The following PIP5K1B variants were observed in gnomAD, a reference collection of about 807,000 sequenced individuals.
The protein encoded by PIP5K1B is phosphatidylinositol-4-phosphate 5-kinase type 1 beta.
In PIP5K1B, 42 loss-of-function variants were observed where a neutral mutation model predicts 67.0. The ratio of observed to expected loss-of-function variants is 0.63; its 90% confidence interval spans 0.49 to 0.81. The LOEUF (loss-of-function observed/expected upper bound fraction) is 0.81, where lower values mean the gene tolerates loss of function less well. PIP5K1B is among the 30% of genes least tolerant of loss of function. PIP5K1B has a pLI of 0.00. For synonymous variants in PIP5K1B, 214 were observed against 231.4 expected (o/e 0.92, Z 0.68); for missense variants, 459 against 646.3 (o/e 0.71, Z 3.14).
At chr9:68,996,125 A>G (rs1485702138) in intron 15 of PIP5K1B, among the ~76,000 whole-genome samples, 3 of 152,238 alleles carry the variant, frequency 2.0e-5, no homozygotes, top group East Asian at 1.9e-4. Context: ...GTAAAAATAC[A>G]TAAGTTTAAA....
intron 2 of PIP5K1B, chr9:68,779,988 A>C: frequency 1.3e-6 from 1 of 796,972 alleles, no homozygotes; most frequent in Non-Finnish European, 1.8e-6. Context: ...TTACGCATTA[A>C]GCAGGCGCCG....
intron 14 of PIP5K1B, among the ~76,000 whole-genome samples, chr9:68,956,513 TG>T (rs1247579255): frequency 6.6e-6 from 1 of 152,176 alleles, no homozygotes; most frequent in Admixed American, 6.5e-5. Flanking sequence ...TCTCATGAAA[TG>T]TGCCTGTAGT....
intron 8 of PIP5K1B, among the ~76,000 whole-genome samples, chr9:68,901,909 TC>T (rs1825378414): frequency 6.6e-6 from 1 of 152,232 alleles, no homozygotes; most frequent in Non-Finnish European, 1.5e-5. Context: ...TGTAAATTTT[TC>T]TACCTGTAAA....
chr9:68,959,276 T>C (rs1364539213), intron 14 of PIP5K1B, among the ~76,000 whole-genome samples: 1 of 152,220 alleles, frequency 6.6e-6, no homozygotes, highest in African/African-American at 2.4e-5. Flanking sequence ...ATGTGTGTCA[T>C]TCATTATATG....
chr9:69,002,062 C>G (rs1381702842), intron 15 of PIP5K1B, among the ~76,000 whole-genome samples: 1 of 152,218 alleles, frequency 6.6e-6, no homozygotes, highest in Non-Finnish European at 1.5e-5. Flanking sequence ...GGCTCATCTA[C>G]CTGCTGCTTA....
intron 2 of PIP5K1B, among the ~76,000 whole-genome samples, chr9:68,746,746 A>C (rs1163842174): frequency 6.6e-5 from 10 of 152,084 alleles, no homozygotes; most frequent in Non-Finnish European, 1.5e-4. Flanking sequence ...GGCCTGGCTT[A>C]CCACTTCCAG....
At chr9:68,770,619 G>A (rs187387090) in intron 2 of PIP5K1B, among the ~76,000 whole-genome samples, 4 of 152,184 alleles carry the variant, frequency 2.6e-5, no homozygotes, top group African/African-American at 9.6e-5. Flanking sequence ...CCCGCCTCCT[G>A]TTGGATCAGT....
At chr9:68,903,908 T>C (rs1444806066) in intron 8 of PIP5K1B, among the ~76,000 whole-genome samples, 4 of 152,214 alleles carry the variant, frequency 2.6e-5, no homozygotes, top group African/African-American at 9.6e-5. Flanking sequence ...CAATACATAA[T>C]ACTTTATTGC....
intron 4 of PIP5K1B, among the ~76,000 whole-genome samples, chr9:68,835,296 G>A (rs1338859571): frequency 3.3e-5 from 5 of 152,182 alleles, no homozygotes; most frequent in Non-Finnish European, 5.9e-5. Flanking sequence ...CTTACTCTCC[G>A]TCTTCCTTCC....
chr9:68,841,612 A>G (rs1821927041), intron 4 of PIP5K1B, among the ~76,000 whole-genome samples: 2 of 152,202 alleles, frequency 1.3e-5, no homozygotes, highest in Non-Finnish European at 2.9e-5. Context: ...TTCTTTGAAA[A>G]TGGAACATTA....
Position 68,923,373 on chromosome 9 carries a change from C to A in PIP5K1B, c.1188C>A (p.Phe396Leu). The change falls in exon 12 of 16, where the codon TTC (phenylalanine) becomes TTA (leucine). Residue 396 changes from phenylalanine (F) to leucine (L), a missense_variant. Coordinates refer to ENST00000265382, the MANE Select transcript of PIP5K1B (RefSeq NM_003558.4). Reference sequence around the variant, plus strand: ...TTAAGTTCATGAATTCCAGAGTTTTCAAGAAAATTCAAGGTAAGATTCTTA... The same window carrying A: ...TTAAGTTCATGAATTCCAGAGTTTTAAAGAAAATTCAAGGTAAGATTCTTA... ...RFLKFMNSRV[F>L]KKIQALKASP... The A allele has an allele frequency of 6.4e-7, 1 of 1,555,652 alleles. No individual in the cohort carries two copies. Among genetic ancestry groups the A allele is most frequent in the South Asian group, 1.2e-5 (1 of 85,500 alleles).
intron 14 of PIP5K1B, among the ~76,000 whole-genome samples, chr9:68,970,257 A>C (rs1829289934): frequency 6.6e-6 from 1 of 152,196 alleles, no homozygotes; most frequent in Non-Finnish European, 1.5e-5. Context: ...TTTTCCTTAA[A>C]TTGCTTCTCA....
chr9:68,839,884 G>T (rs748673587), intron 4 of PIP5K1B, among the ~76,000 whole-genome samples: 1 of 152,318 alleles, frequency 6.6e-6, no homozygotes, highest in African/African-American at 2.4e-5. Flanking sequence ...GGCCAAGTGT[G>T]TACTCTTCCT....
At chr9:68,978,193 C>G (rs187545764) in intron 14 of PIP5K1B, among the ~76,000 whole-genome samples, 2 of 152,294 alleles carry the variant, frequency 1.3e-5, no homozygotes, top group East Asian at 3.9e-4. Context: ...GTACACAATA[C>G]GTGATTATTA....
At position 68,705,522 on chromosome 9, in the gene PIP5K1B, A is replaced by C. The variant is rs1328381840; in HGVS notation, c.-483A>C. The C allele has an allele frequency of 2.0e-5, 3 of 151,938 alleles. No homozygotes were observed. Among genetic ancestry groups the C allele is most frequent in the Non-Finnish European group, 4.4e-5 (3 of 67,704 alleles). The allele number at this position is 151,938 out of a possible 1,614,324, so 9.4% of individuals were successfully genotyped here. On this transcript the variant is annotated 5_prime_UTR_variant, in exon 1 of 16. Coordinates refer to ENST00000265382, the MANE Select transcript of PIP5K1B (RefSeq NM_003558.4). ...CACTCGTAGCCGCGCGCCCCCGCCAAGGCGCGTCCGGAGCGAGTTTGGCCC... is the reference window on the plus strand; with the variant it reads ...CACTCGTAGCCGCGCGCCCCCGCCACGGCGCGTCCGGAGCGAGTTTGGCCC...
At chr9:68,751,643 C>G (rs1026907403) in intron 2 of PIP5K1B, among the ~76,000 whole-genome samples, 6 of 152,180 alleles carry the variant, frequency 3.9e-5, no homozygotes, top group African/African-American at 1.4e-4. Context: ...TAGGGATTTA[C>G]ATAGACATTT....
intron 2 of PIP5K1B, among the ~76,000 whole-genome samples, chr9:68,801,279 C>T (rs1199114759): frequency 6.6e-6 from 1 of 152,114 alleles, no homozygotes; most frequent in Non-Finnish European, 1.5e-5. Flanking sequence ...ACTTAGAATT[C>T]CAGGGATACT....
chr9:68,834,870 G>C (rs1385146375), intron 4 of PIP5K1B, among the ~76,000 whole-genome samples: 1 of 152,158 alleles, frequency 6.6e-6, no homozygotes, highest in Admixed American at 6.5e-5. Context: ...CCCCTCATCT[G>C]TAGTCTACAG....
Position 69,008,627 on chromosome 9 carries a change from A to G in PIP5K1B, c.*178A>G. 1 of 657,054 alleles carries G rather than the reference A, an allele frequency of 1.5e-6. No individual in the cohort carries two copies. Among genetic ancestry groups the G allele is most frequent in the Non-Finnish European group, 2.8e-6 (1 of 352,928 alleles). The allele number at this position is 657,054 out of a possible 1,614,324, so 40.7% of individuals were successfully genotyped here. Reference sequence around the variant, plus strand: ...AACTTCAGGCTGATCAGCAGATGGGATGTGAAAAATACTACCCTATTCTAT... The same window carrying G: ...AACTTCAGGCTGATCAGCAGATGGGGTGTGAAAAATACTACCCTATTCTAT... On this transcript the variant is annotated 3_prime_UTR_variant, in exon 16 of 16. Transcript: ENST00000265382.
Sources: gnomAD v4.1 joint callset for allele counts (sites outside exome capture counted in the v4.1 genomes callset) on GRCh38, gnomAD v4.1.1 for gene constraint, MANE v1.5 for transcripts, NCBI Gene and HGNC (gene_info 2026-07-23, HGNC 2026-07-21) for gene names.